BTBD3: variants seen among roughly 807,000 people sequenced by gnomAD.
The protein encoded by BTBD3 is BTB domain containing 3, also known as BTB/POZ domain-containing protein 3.
BTBD3 carries 14 observed loss-of-function variants against 41.6 expected under a neutral mutation model. That is an observed-to-expected ratio of 0.34 (90% confidence interval 0.22 to 0.53). The LOEUF is 0.53. BTBD3 is among the 20% of genes least tolerant of loss of function. The pLI is 0.95. For synonymous variants in BTBD3, 249 were observed against 233.7 expected (o/e 1.07, Z -0.60); for missense variants, 426 against 654.7 (o/e 0.65, Z 3.81).
upstream of BTBD3, among the ~76,000 whole-genome samples, chr20:11,916,542 G>T (rs1257206330): frequency 1.3e-5 from 2 of 152,072 alleles, no homozygotes; most frequent in Non-Finnish European, 1.5e-5. Context: ...CTTTGCAAAT[G>T]GTTTTAAGAA....
chr20:11,898,000 A>G (rs1169855730), intron 1 of BTBD3, among the ~76,000 whole-genome samples: 1 of 152,094 alleles, frequency 6.6e-6, no homozygotes, highest in Non-Finnish European at 1.5e-5. Flanking sequence ...TCTACTAAAA[A>G]TACAAAAATT....
intron 1 of BTBD3, among the ~76,000 whole-genome samples, chr20:11,903,103 T>C (rs1484645081): frequency 6.6e-6 from 1 of 152,208 alleles, no homozygotes; most frequent in East Asian, 1.9e-4. Context: ...TTTTGGACTT[T>C]TACAAAGTCC....
chr20:11,914,189 C>A (rs1323365292), upstream of BTBD3, among the ~76,000 whole-genome samples: 1 of 152,072 alleles, frequency 6.6e-6, no homozygotes, highest in Admixed American at 6.6e-5. Flanking sequence ...CTTTTTTACC[C>A]TTCAACCCAG....
Position 11,923,042 on chromosome 20 carries a change from G to A in BTBD3, c.945G>A (p.Lys315=). The A allele has an allele frequency of 6.2e-7, 1 of 1,614,094 alleles. No homozygotes were observed. Among genetic ancestry groups the A allele is most frequent in the Non-Finnish European group, 8.5e-7 (1 of 1,180,046 alleles). ...AAAATAAACGCAAGGTTCTAGGAAA[G>A]GCACTTTACTTGATCCGCATACCCA... ...SIENKRKVLG[K]ALYLIRIPTM... is the part of the protein sequence containing the mutation. Residue 315 remains lysine, a synonymous_variant, in exon 4 of 4, where the codon AAG becomes AAA. Transcript: ENST00000378226. This position sits in a 1 kb window ranked among gnomAD's most constrained non-coding sequence, Gnocchi z 5.3.
chr20:11,896,943 G>A, intron 1 of BTBD3, among the ~76,000 whole-genome samples: 1 of 152,202 alleles, frequency 6.6e-6, no homozygotes, highest in East Asian at 1.9e-4. Context: ...CCAAGTTATA[G>A]CTGACACTCA....
chr20:11,918,508 C>T lies in BTBD3; in HGVS notation c.233C>T (p.Thr78Ile), dbSNP rs1359668048. ...AAAAAGCCAGCCAACTCCAGCAGCA[C>T]CAGCGTCCAGCAGTACCACCAGCAG... Reference protein sequence around the residue: ...PRKKPANSSSTSVQQYHQQNL... With the variant: ...PRKKPANSSSISVQQYHQQNL... The change falls in exon 1 of 4, where the codon ACC becomes ATC. Residue 78 changes from threonine to isoleucine, a missense_variant. Thr to Ile is a moderately conservative substitution (Grantham distance 89). Around this residue, in one of 3 missense-constraint regions of BTBD3, gnomAD observed 52 missense variants for 45.1 expected, o/e 1.15. Coordinates refer to ENST00000378226, the MANE Select transcript of BTBD3 (RefSeq NM_014962.4). The T allele has an allele frequency of 1.9e-6, 3 of 1,614,156 alleles. No individual in the cohort carries two copies. The highest frequency in any genetic ancestry group is 2.5e-6 in the Non-Finnish European group (3 of 1,180,014).
chr20:11,896,925 C>T (rs1176355171), intron 1 of BTBD3, among the ~76,000 whole-genome samples: 2 of 152,190 alleles, frequency 1.3e-5, no homozygotes, highest in Admixed American at 6.5e-5. Flanking sequence ...TTTTCACAAG[C>T]AAATATTCCA....
chr20:11,912,024 AC>A (rs984093170), intron 1 of BTBD3, among the ~76,000 whole-genome samples: 1 of 151,460 alleles, frequency 6.6e-6, no homozygotes, highest in African/African-American at 2.4e-5. Context: ...ATTCCTCCCC[AC>A]CCCCCGCTCA....
intron 1 of BTBD3, among the ~76,000 whole-genome samples, chr20:11,896,677 G>T (rs1474677441): frequency 6.6e-6 from 1 of 152,166 alleles, no homozygotes; most frequent in Non-Finnish European, 1.5e-5. Context: ...GTAATTTTAT[G>T]TTTTTAAGAC....
At chr20:11,897,616 ACTT>A (rs1457166154) in intron 1 of BTBD3, among the ~76,000 whole-genome samples, 2 of 151,812 alleles carry the variant, frequency 1.3e-5, no homozygotes, top group Non-Finnish European at 2.9e-5. Flanking sequence ...CAGTTTAACT[ACTT>A]TTCCCATCCG....
intron 1 of BTBD3, among the ~76,000 whole-genome samples, chr20:11,904,276 A>G (rs530865633): frequency 5.3e-5 from 8 of 152,302 alleles, no homozygotes; most frequent in Admixed American, 5.2e-4. Flanking sequence ...AAGCAAGTAC[A>G]TCTTCACGCG....
chr20:11,895,619 T>C (rs929186379), intron 1 of BTBD3, among the ~76,000 whole-genome samples: 3 of 152,254 alleles, frequency 2.0e-5, no homozygotes, highest in Admixed American at 6.5e-5. Flanking sequence ...TGTAGAGTCA[T>C]GTTGGAGAAG....
At chr20:11,922,196 G>A (rs1349039687) in intron 3 of BTBD3, among the ~76,000 whole-genome samples, 1 of 152,260 alleles carries the variant, frequency 6.6e-6, no homozygotes, top group East Asian at 1.9e-4. Flanking sequence ...GTTTTATTTT[G>A]TGCTTAGGAA....
chr20:11,908,697 A>G (rs542121731), intron 1 of BTBD3, among the ~76,000 whole-genome samples: 1 of 152,082 alleles, frequency 6.6e-6, no homozygotes, highest in Non-Finnish European at 1.5e-5. Flanking sequence ...CTATTTTCTT[A>G]GTTCTAATAC....
intron 1 of BTBD3, among the ~76,000 whole-genome samples, chr20:11,902,086 A>G (rs933067844): frequency 6.6e-6 from 1 of 150,432 alleles, no homozygotes; most frequent in Non-Finnish European, 1.5e-5. Flanking sequence ...ATCCATGTGT[A>G]ACTTTTGACT....
At chr20:11,891,188 G>GC (rs1314605170) in intron 1 of BTBD3, 1 of 160,654 alleles carries the variant, frequency 6.2e-6, no homozygotes, top group Non-Finnish European at 1.3e-5. Context: ...GGGGGGGGGG[G>GC]TCCCAGTGGG....
chr20:11,893,709 G>A (rs2056769859), intron 1 of BTBD3, among the ~76,000 whole-genome samples: 1 of 151,944 alleles, frequency 6.6e-6, no homozygotes, highest in South Asian at 2.1e-4. Context: ...TTTCCTGTTG[G>A]GAGACATTTT....
At chr20:11,913,295 G>C (rs1022656478), upstream of BTBD3, 2 of 152,092 alleles carry the variant, frequency 1.3e-5, no homozygotes, top group Non-Finnish European at 2.9e-5. Context: ...TGAATAGCTG[G>C]TTTCTAACTT....
At chr20:11,893,828 A>G (rs2056770753) in intron 1 of BTBD3, among the ~76,000 whole-genome samples, 1 of 152,190 alleles carries the variant, frequency 6.6e-6, no homozygotes, top group African/African-American at 2.4e-5. Context: ...TTGTCTGCAT[A>G]GACATACTTT....
Sources: gnomAD v4.1 joint callset for allele counts (sites outside exome capture counted in the v4.1 genomes callset) on GRCh38, gnomAD v4.1.1 for gene constraint, gnomAD v4.1.1 regional missense constraint, Gnocchi (gnomAD v3.1) non-coding constraint, MANE v1.5 for transcripts, NCBI Gene and HGNC (gene_info 2026-07-23, HGNC 2026-07-21) for gene names.